The following LIPG variants were observed in gnomAD, a reference collection of about 807,000 sequenced individuals.
LIPG encodes endothelial lipase.
A neutral mutation model predicts 51.8 loss-of-function variants in LIPG; 34 were observed. That is an observed-to-expected ratio of 0.66 (90% CI 0.50 to 0.87). LIPG has a LOEUF of 0.87. Among genes scored for constraint, LIPG ranks in the 40% least tolerant of loss-of-function variants. LIPG has a pLI of 0.00. For synonymous variants in LIPG, 246 were observed against 246.1 expected, an observed-to-expected ratio of 1.00 and a Z score of 0.00; for missense variants, 580 against 652.7, an observed-to-expected ratio of 0.89 and a Z score of 1.21.
At chr18:49,581,812 G>A in intron 6 of LIPG, 155 bp downstream of exon 6, 1 of 938,646 alleles carries the variant, frequency 1.1e-6, no homozygotes, top group Non-Finnish European at 1.7e-6. Context: ...CATGTCCTAG[G>A]AAAGGGAATC....
At chr18:49,579,355 A>G (rs1347183957) in intron 5 of LIPG, among the ~76,000 whole-genome samples, 1 of 151,442 alleles carries the variant, frequency 6.6e-6, no homozygotes, top group African/African-American at 2.4e-5. Flanking sequence ...CTTCCTCACT[A>G]TGTTTCCCAG....
intron 5 of LIPG, among the ~76,000 whole-genome samples, chr18:49,576,810 A>G (rs1030810793): frequency 6.6e-6 from 1 of 152,048 alleles, no homozygotes; most frequent in African/African-American, 2.4e-5. Flanking sequence ...TGCAGTGGCT[A>G]TTCACAGCTT....
chr18:49,567,701 C>T, intron 3 of LIPG, 80 bp downstream of exon 3: 1 of 1,407,422 alleles, frequency 7.1e-7, no homozygotes, highest in Non-Finnish European at 9.9e-7. Context: ...GGTCATGCAT[C>T]TGTTGCCATG....
chr18:49,562,551 G>A, intron 1 of LIPG, 146 bp downstream of exon 1: 1 of 776,350 alleles, frequency 1.3e-6, no homozygotes, highest in Non-Finnish European at 2.2e-6. Flanking sequence ...CCACCTTGGA[G>A]TCCACCTGTC....
At position 49,581,611 on chromosome 18, in the gene LIPG, G is replaced by A; in HGVS notation, c.990G>A (p.Arg330=). 2 of 1,614,184 alleles carry A rather than the reference G, an allele frequency of 1.2e-6. No individual in the cohort carries two copies. Among genetic ancestry groups the A allele is most frequent in the South Asian group, 1.1e-5 (1 of 91,068 alleles). Residue 330 remains arginine, a synonymous_variant, in exon 6 of 10, where the codon AGG becomes AGA. Transcript: ENST00000261292. ...GYNAKKMRNK[R]NSKMYLKTRA... Reference sequence around the variant, plus strand: ...ATGCCAAGAAAATGAGGAACAAGAGGAACAGCAAAATGTACCTAAAAACCC... The same window carrying A: ...ATGCCAAGAAAATGAGGAACAAGAGAAACAGCAAAATGTACCTAAAAACCC...
intron 6 of LIPG, 117 bp from the exon 7 acceptor site, chr18:49,582,245 G>A: frequency 7.7e-7 from 1 of 1,304,696 alleles, no homozygotes; most frequent in Non-Finnish European, 1.1e-6. Context: ...TGCAGGCTGG[G>A]CTCAACCAAA....
intron 5 of LIPG, among the ~76,000 whole-genome samples, chr18:49,578,926 C>T (rs1416131864): frequency 6.9e-6 from 1 of 143,922 alleles, no homozygotes; most frequent in African/African-American, 2.6e-5. Context: ...GCAGGAGAAT[C>T]AGGCAGGGAG....
Position 49,595,415 on chromosome 18 carries a change from T to A in LIPG, c.*4893T>A, listed in dbSNP as rs1020608064. On this transcript the variant is annotated 3_prime_UTR_variant, in exon 10 of 10. Transcript: ENST00000261292. ...ACAGCCTTTCTGAGTCTCTATCTGC[T>A]CATTTAAGAAACAGAGACAATACTG... 2 of 152,208 alleles carry A rather than the reference T, an allele frequency of 1.3e-5. No individual in the cohort carries two copies. Among genetic ancestry groups the A allele is most frequent in the Non-Finnish European group, 2.9e-5 (2 of 68,048 alleles). 9.4% of individuals were successfully genotyped at this position (152,208 alleles called of 1,614,324 possible). A position where few individuals can be genotyped will look rare whatever the true frequency, so the allele number is the denominator to read the frequency against.
At chr18:49,590,201 G>A (rs1212058608) in intron 9 of LIPG, 10 of 488,532 alleles carry the variant, frequency 2.0e-5, no homozygotes, top group Non-Finnish European at 3.0e-5. Context: ...GTGTGTGTGT[G>A]TGTGTGTATG....
intron 4 of LIPG, among the ~76,000 whole-genome samples, chr18:49,573,341 C>T (rs920099757): frequency 2.2e-4 from 33 of 152,160 alleles, no homozygotes; most frequent in African/African-American, 7.7e-4. Context: ...TGCTTTTGTG[C>T]CATCTTTCTT....
Position 49,595,875 on chromosome 18 carries a change from T to G in LIPG, c.*5353T>G, listed in dbSNP as rs2143993087. On this transcript the variant is annotated 3_prime_UTR_variant, in exon 10 of 10. Coordinates refer to ENST00000261292, the MANE Select transcript of LIPG (RefSeq NM_006033.4). The stretch of plus-strand genomic sequence containing the variant: ...AATAAAATAAAATCCTTTCCACATA[T>G]ATGCGGAAATTTTATGTATGATAAA... 1 of 152,166 alleles carries G rather than the reference T, an allele frequency of 6.6e-6. No homozygotes were observed. The highest frequency in any genetic ancestry group is 2.1e-4 in the South Asian group (1 of 4,806). 9.4% of individuals were successfully genotyped at this position (152,166 alleles called of 1,614,324 possible).
rs1326008359 is a variant in LIPG, at chr18:49,598,985, T to A, written c.*8463T>A. On this transcript the variant is annotated 3_prime_UTR_variant, in exon 10 of 10. Coordinates refer to ENST00000261292, the MANE Select transcript of LIPG (RefSeq NM_006033.4). ...AGCAGTATTCCACTGTATAGATAAA[T>A]AACATTTTGTTTATCCGTTTACTTG... 6.6e-6 allele frequency: 1 copy of A among 152,242 alleles called. No homozygotes were observed. Among genetic ancestry groups the A allele is most frequent in the East Asian group, 1.9e-4 (1 of 5,196 alleles). The allele number at this position is 152,242 out of a possible 1,614,324, so 9.4% of individuals were successfully genotyped here.
intron 5 of LIPG, among the ~76,000 whole-genome samples, chr18:49,577,690 G>T (rs1311537554): frequency 1.2e-5 from 1 of 86,788 alleles, no homozygotes; most frequent in Admixed American, 9.6e-5. Flanking sequence ...CTGGCCAGGC[G>T]GGGGGCTGAC....
chr18:49,562,648 A>AC (rs1290743602), intron 1 of LIPG, among the ~76,000 whole-genome samples: 1 of 124,456 alleles, frequency 8.0e-6, no homozygotes, highest in Non-Finnish European at 1.7e-5. Context: ...CAGCCCTCCC[A>AC]CCCCCACCTC....
rs377272360 is a variant in LIPG, at chr18:49,591,462, A to G, written c.*940A>G. On this transcript the variant is annotated 3_prime_UTR_variant, in exon 10 of 10. Coordinates refer to ENST00000261292, the MANE Select transcript of LIPG (RefSeq NM_006033.4). ...GAGTATCATTCATGCTGGGGCCAGA[A>G]TGATGGCCGGTTGCCAGATATAACT... 7.9e-5 allele frequency: 12 copies of G among 152,356 alleles called. No individual in the cohort carries two copies. Among genetic ancestry groups the G allele is most frequent in the African/African-American group, 2.9e-4 (12 of 41,580 alleles). 9.4% of individuals were successfully genotyped at this position (152,356 alleles called of 1,614,324 possible).
chr18:49,589,218 C>G (rs894544169), intron 9 of LIPG: 3 of 152,226 alleles, frequency 2.0e-5, no homozygotes, highest in Admixed American at 1.3e-4. Context: ...GCGCTGCATC[C>G]CAGCTGCTCT....
At chr18:49,583,822 A>T (rs1331382271) in intron 8 of LIPG, 48 bp downstream of exon 8, 1 of 1,512,334 alleles carries the variant, frequency 6.6e-7, no homozygotes, top group Non-Finnish European at 9.0e-7. Context: ...TGGGGAACAG[A>T]AGGCTGTGCC....
chr18:49,580,860 A>G (rs1192509125), intron 5 of LIPG, among the ~76,000 whole-genome samples: 2 of 152,118 alleles, frequency 1.3e-5, no homozygotes, highest in African/African-American at 2.4e-5. Context: ...CTTTGTGTGT[A>G]TTCGTGCTGT....
chr18:49,584,454 A>G (rs2084861771), intron 8 of LIPG, among the ~76,000 whole-genome samples: 1 of 152,230 alleles, frequency 6.6e-6, no homozygotes, highest in Non-Finnish European at 1.5e-5. Context: ...AACAGAAGCC[A>G]GGGAAGCCTG....
Sources: gnomAD v4.1 joint callset for allele counts (sites outside exome capture counted in the v4.1 genomes callset) on GRCh38, gnomAD v4.1.1 for gene constraint, MANE v1.5 for transcripts, NCBI Gene and HGNC (gene_info 2026-07-23, HGNC 2026-07-21) for gene names.